Variants in LRRC4C observed in about 807,000 individuals in gnomAD.
LRRC4C encodes leucine-rich repeat-containing protein 4C.
Under a neutral mutation model 33.6 loss-of-function variants are expected in LRRC4C, and 5 were observed. The ratio of observed to expected loss-of-function variants is 0.15; its 90% CI spans 0.08 to 0.31. The LOEUF is 0.31. Ranked by LOEUF, LRRC4C falls within the 10% of genes least tolerant of loss-of-function variation. The probability of loss-of-function intolerance (pLI) is 1.00; values close to 1 mark genes in which losing one functional copy is unlikely to be tolerated. For synonymous variants in LRRC4C, 329 were observed against 302.0 expected, an observed-to-expected ratio of 1.09 and a Z score of -0.93; for missense variants, 560 against 796.7, an observed-to-expected ratio of 0.70 and a Z score of 3.58.
chr11:40,484,091 G>A (rs1031755740), intron 3 of LRRC4C, among the ~76,000 whole-genome samples: 1 of 152,008 alleles, frequency 6.6e-6, no homozygotes, highest in African/African-American at 2.4e-5. Flanking sequence ...TGGAGAGAAA[G>A]GGCTATTCTC....
chr11:40,426,101 C>A (rs1035723220), intron 3 of LRRC4C, among the ~76,000 whole-genome samples: 2 of 151,166 alleles, frequency 1.3e-5, no homozygotes, highest in Non-Finnish European at 2.9e-5. Context: ...GCAACCTCCT[C>A]CTCCTGGGTT....
intron 2 of LRRC4C, among the ~76,000 whole-genome samples, chr11:40,687,280 A>G (rs1415976382): frequency 6.6e-6 from 1 of 152,082 alleles, no homozygotes; most frequent in Admixed American, 6.6e-5. Flanking sequence ...ACCTTCCCAA[A>G]TATACCTTTG....
At chr11:41,321,277 G>T (rs1175787332) in intron 1 of LRRC4C, among the ~76,000 whole-genome samples, 1 of 151,730 alleles carries the variant, frequency 6.6e-6, no homozygotes, top group Non-Finnish European at 1.5e-5. Flanking sequence ...ATTTTTGGGG[G>T]GTCATCTTAG....
intron 2 of LRRC4C, among the ~76,000 whole-genome samples, chr11:40,664,015 C>A (rs146001919): frequency 9.2e-5 from 14 of 152,274 alleles, no homozygotes; most frequent in African/African-American, 3.4e-4. Flanking sequence ...GCATATAAAA[C>A]CTTTACAGAG....
At chr11:41,240,946 A>T (rs1440347843) in intron 1 of LRRC4C, among the ~76,000 whole-genome samples, 1 of 152,164 alleles carries the variant, frequency 6.6e-6, no homozygotes, top group Non-Finnish European at 1.5e-5. Context: ...AGGCAGGAAA[A>T]CTTAAAGGAA....
intron 1 of LRRC4C, among the ~76,000 whole-genome samples, chr11:41,112,281 A>G (rs1055047745): frequency 6.6e-5 from 10 of 152,060 alleles, no homozygotes; most frequent in African/African-American, 2.4e-4. Context: ...CTTTCTGGCC[A>G]GTTTCTAATC....
intron 3 of LRRC4C, among the ~76,000 whole-genome samples, chr11:40,467,290 G>A (rs1393320440): frequency 6.6e-6 from 1 of 151,990 alleles, no homozygotes; most frequent in East Asian, 1.9e-4. Context: ...TTAGCATTTT[G>A]TTGTGCTCTG....
intron 1 of LRRC4C, among the ~76,000 whole-genome samples, chr11:41,086,965 G>C (rs1417139070): frequency 6.6e-6 from 1 of 151,090 alleles, no homozygotes; most frequent in East Asian, 1.9e-4. Context: ...TTTTAAGTCA[G>C]GAATATTGGT....
Position 41,139,875 on chromosome 11 carries a change from G to A in LRRC4C, c.-495-206152C>T, listed in dbSNP as rs372577681. Among the ~76,000 whole-genome samples the A allele has an allele frequency of 1.0e-3, 157 of 152,184 alleles. 2 individuals are homozygous for A. The South Asian group carries it at 0.033, about 32-fold the overall frequency. On this transcript the variant is annotated intron_variant, in intron 1 of 6. Transcript: ENST00000528697. ...AGACGGTGTGGTGGTCTTTGATCGG[G>A]GCACTGTGGCTGAAGGAAGCATAGT... is the stretch of plus-strand genomic sequence containing the variant.
chr11:41,222,830 C>CAAA lies in LRRC4C; in HGVS notation c.-496+236598_-496+236600dup, dbSNP rs57071602. On this transcript the variant is annotated intron_variant, in intron 1 of 6. Transcript: ENST00000528697. ...ACTCTGTCTCTGTAGTTTTTCCTCT[C>CAAA]AAAAAAAAAAAAAAAAAAAAAAAAA... 49 of 49,258 alleles carry CAAA rather than the reference C, an allele frequency of 9.9e-4. 1 individual carries two copies. Among genetic ancestry groups the CAAA allele is most frequent in the African/African-American group, 2.7e-3 (39 of 14,376 alleles). The allele number at this position is 49,258 out of a possible 1,614,324, so 3.1% of individuals were successfully genotyped here.
intron 1 of LRRC4C, among the ~76,000 whole-genome samples, chr11:41,147,463 A>C (rs1024924917): frequency 3.3e-5 from 5 of 152,238 alleles, no homozygotes; most frequent in African/African-American, 7.2e-5. Flanking sequence ...TGCTTGGTAC[A>C]TCAACCTACT....
At chr11:41,188,235 T>C (rs751339086) in intron 1 of LRRC4C, among the ~76,000 whole-genome samples, 8 of 151,882 alleles carry the variant, frequency 5.3e-5, no homozygotes, top group Admixed American at 3.9e-4. Context: ...CACTGCCCAA[T>C]TGGGGAAAGC....
intron 2 of LRRC4C, among the ~76,000 whole-genome samples, chr11:40,907,633 T>A (rs930755020): frequency 6.6e-6 from 1 of 152,204 alleles, no homozygotes; most frequent in African/African-American, 2.4e-5. Context: ...ACCTTGAAAC[T>A]GTGTAGCCTT....
chr11:40,517,628 T>C (rs978437294), intron 3 of LRRC4C, among the ~76,000 whole-genome samples: 11 of 152,052 alleles, frequency 7.2e-5, no homozygotes, highest in African/African-American at 2.7e-4. Context: ...AGAAGCCTTA[T>C]GGTGGTTTAG....
chr11:41,285,716 A>G (rs1949804776), intron 1 of LRRC4C, among the ~76,000 whole-genome samples: 1 of 152,192 alleles, frequency 6.6e-6, no homozygotes, highest in Non-Finnish European at 1.5e-5. Context: ...TGGGTTTCAT[A>G]CATATTTAAA....
intron 3 of LRRC4C, among the ~76,000 whole-genome samples, chr11:40,378,829 G>C (rs1366346935): frequency 6.6e-6 from 1 of 152,100 alleles, no homozygotes; most frequent in African/African-American, 2.4e-5. Flanking sequence ...ACTTAGTTTA[G>C]TGGAATTCAA....
chr11:40,177,730 A>T (rs993408036), intron 5 of LRRC4C, among the ~76,000 whole-genome samples: 2 of 152,116 alleles, frequency 1.3e-5, no homozygotes, highest in African/African-American at 4.8e-5. Flanking sequence ...TGTTGTTATT[A>T]TACAGCACTT....
At chr11:41,050,071 T>C (rs1858090629) in intron 1 of LRRC4C, among the ~76,000 whole-genome samples, 1 of 152,168 alleles carries the variant, frequency 6.6e-6, no homozygotes, top group Non-Finnish European at 1.5e-5. Context: ...AGATAATAAA[T>C]GCAAACACAC....
chr11:40,641,815 C>T (rs891935171), intron 3 of LRRC4C, among the ~76,000 whole-genome samples: 2 of 152,208 alleles, frequency 1.3e-5, no homozygotes, highest in Non-Finnish European at 2.9e-5. Flanking sequence ...TTAGCTGTGA[C>T]TCTGACTTTC....
Sources: allele counts gnomAD v4.1 joint callset (sites outside exome capture counted in the v4.1 genomes callset), GRCh38; gene constraint gnomAD v4.1.1; transcripts MANE v1.5; gene names NCBI Gene and HGNC (gene_info 2026-07-23, HGNC 2026-07-21).